TFEC: variants seen among roughly 807,000 people sequenced by gnomAD.
The protein encoded by TFEC is transcription factor EC, also known as class E basic helix-loop-helix protein 34.
TFEC carries 31 observed loss-of-function variants against 41.6 expected under a neutral mutation model. The ratio of observed to expected loss-of-function variants is 0.74; its 90% confidence interval spans 0.56 to 1.01. The LOEUF (loss-of-function observed/expected upper bound fraction) is 1.01, where lower values mean the gene tolerates loss of function less well. Ranked by LOEUF, TFEC falls within the 50% of genes least tolerant of loss-of-function variation. The pLI is 0.00. For missense variants in TFEC, 402 were observed against 404.1 expected (o/e 0.99, Z 0.04); for synonymous variants, 143 against 140.6 (o/e 1.02, Z -0.12).
At position 116,136,806 on chromosome 7, in the gene TFEC, A is replaced by G. The variant is rs559135983; in HGVS notation, c.-69+22984T>C. 1.5e-3 allele frequency among the ~76,000 whole-genome samples: 223 copies of G among 152,152 alleles called. 1 individual carries two copies. Among genetic ancestry groups the G allele is most frequent in the African/African-American group, 5.2e-3 (218 of 41,574 alleles). ...AGGTGTCATTTATGATGATATTATC[A>G]GTATTTAATTTTAGTGTCATTTAAG... On this transcript the variant is annotated intron_variant, in intron 1 of 8. Coordinates refer to the TFEC transcript ENST00000484212.
chr7:115,952,453 C>A (rs1791997925), intron 5 of TFEC, among the ~76,000 whole-genome samples: 1 of 151,896 alleles, frequency 6.6e-6, no homozygotes, highest in South Asian at 2.1e-4. Flanking sequence ...CTCTTATAAG[C>A]CAGACTTTTA....
chr7:116,008,625 T>A (rs1364041348), intron 1 of TFEC, among the ~76,000 whole-genome samples: 2 of 152,182 alleles, frequency 1.3e-5, no homozygotes, highest in Non-Finnish European at 1.5e-5. Context: ...AAAAGCCACA[T>A]GACATTTGTT....
At chr7:116,154,880 G>T (rs1355282816) in intron 1 of TFEC, among the ~76,000 whole-genome samples, 1 of 152,142 alleles carries the variant, frequency 6.6e-6, no homozygotes, top group Non-Finnish European at 1.5e-5. Flanking sequence ...TTTGTTTTGT[G>T]GTGGTATCTC....
chr7:115,992,026 C>G (rs990987502), intron 1 of TFEC, among the ~76,000 whole-genome samples: 1 of 152,198 alleles, frequency 6.6e-6, no homozygotes, highest in African/African-American at 2.4e-5. Flanking sequence ...ACAGTGCAAT[C>G]AAACTAGAAC....
At chr7:116,004,205 G>A (rs1287661099) in intron 1 of TFEC, among the ~76,000 whole-genome samples, 1 of 151,898 alleles carries the variant, frequency 6.6e-6, no homozygotes, top group Non-Finnish European at 1.5e-5. Flanking sequence ...TTTTTGAAAA[G>A]ATCAATAAAA....
Position 115,935,917 on chromosome 7 carries a change from C to T in TFEC, c.*4634G>A, listed in dbSNP as rs1793207627. On this transcript the variant is annotated 3_prime_UTR_variant, in exon 8 of 8. Transcript: ENST00000265440. ...TCCCTTTACAAGCAGATAAAAAGTT[C>T]CCTTTTATGTATAAAGCAGTAGACA... 6.6e-6 allele frequency: 1 copy of T among 151,352 alleles called. No individual in the cohort carries two copies. The highest frequency in any genetic ancestry group is 1.5e-5 in the Non-Finnish European group (1 of 67,526). 9.4% of individuals were successfully genotyped at this position (151,352 alleles called of 1,614,324 possible). A position where few individuals can be genotyped will look rare whatever the true frequency, so the allele number is the denominator to read the frequency against.
chr7:116,057,799 T>C (rs918782004), intron 3 of TFEC, among the ~76,000 whole-genome samples: 1 of 151,836 alleles, frequency 6.6e-6, no homozygotes, highest in Non-Finnish European at 1.5e-5. Flanking sequence ...ATACTATATG[T>C]AAAGAGGTAT....
chr7:116,043,788 C>T (rs1262124724), intron 3 of TFEC, among the ~76,000 whole-genome samples: 5 of 152,134 alleles, frequency 3.3e-5, no homozygotes, highest in South Asian at 2.1e-4. Context: ...GATTAACATA[C>T]ACTGAGAAAT....
chr7:116,095,714 G>A (rs1797436596), intron 3 of TFEC, among the ~76,000 whole-genome samples: 2 of 152,098 alleles, frequency 1.3e-5, no homozygotes, highest in African/African-American at 4.8e-5. Context: ...GATCACCTCA[G>A]TTCAATGACC....
intron 1 of TFEC, among the ~76,000 whole-genome samples, chr7:116,142,637 T>A (rs1798564476): frequency 6.6e-6 from 1 of 152,078 alleles, no homozygotes; most frequent in Non-Finnish European, 1.5e-5. Flanking sequence ...CTTAAGGTGC[T>A]TTTTCTCATG....
intron 1 of TFEC, among the ~76,000 whole-genome samples, chr7:116,025,370 G>T (rs117842624): frequency 3.9e-5 from 6 of 152,060 alleles, no homozygotes; most frequent in Non-Finnish European, 8.8e-5. Context: ...AAGGAAAAAG[G>T]AGAGAGGTCC....
At chr7:115,943,390 C>A (rs1793606796) in intron 6 of TFEC, among the ~76,000 whole-genome samples, 1 of 151,464 alleles carries the variant, frequency 6.6e-6, no homozygotes, top group Admixed American at 6.6e-5. Context: ...CATTTTTTCT[C>A]ATGGAAAGAA....
chr7:115,953,792 T>C (rs994257971), intron 5 of TFEC, among the ~76,000 whole-genome samples: 4 of 152,112 alleles, frequency 2.6e-5, no homozygotes, highest in Admixed American at 2.0e-4. Flanking sequence ...AGGTGCTTTA[T>C]GAACAGATGC....
intron 3 of TFEC, among the ~76,000 whole-genome samples, chr7:116,065,963 C>T (rs370278753): frequency 3.9e-5 from 6 of 151,914 alleles, no homozygotes; most frequent in South Asian, 2.1e-4. Context: ...GAATGCAACC[C>T]GATTGAGGTT....
At chr7:116,030,550 T>C (rs1394535783) in intron 1 of TFEC, 83 bp downstream of exon 1, 1 of 858,984 alleles carries the variant, frequency 1.2e-6, no homozygotes, top group African/African-American at 1.8e-5. Context: ...GCCACACATA[T>C]CAAAATAAAA....
chr7:116,135,731 T>C (rs1798420038), intron 1 of TFEC, among the ~76,000 whole-genome samples: 1 of 152,110 alleles, frequency 6.6e-6, no homozygotes, highest in Non-Finnish European at 1.5e-5. Context: ...AAGTGGCTAG[T>C]TAAAAATCTT....
At chr7:115,983,707 G>GT (rs1406294345) in intron 2 of TFEC, among the ~76,000 whole-genome samples, 1 of 151,952 alleles carries the variant, frequency 6.6e-6, no homozygotes, top group Non-Finnish European at 1.5e-5. Flanking sequence ...CATTTATTTT[G>GT]TATGATCAGC....
intron 5 of TFEC, among the ~76,000 whole-genome samples, chr7:115,952,669 G>A (rs1049125203): frequency 6.6e-6 from 1 of 151,956 alleles, no homozygotes; most frequent in Non-Finnish European, 1.5e-5. Context: ...GGCTCCCAAT[G>A]GTGTTCATAC....
intron 3 of TFEC, among the ~76,000 whole-genome samples, chr7:116,053,415 C>CTGCG (rs1796359446): frequency 6.6e-6 from 1 of 152,170 alleles, no homozygotes; most frequent in African/African-American, 2.4e-5. Flanking sequence ...AATAATGCTG[C>CTGCG]TGCTGCTGCT....
Sources: gnomAD v4.1 joint callset for allele counts (sites outside exome capture counted in the v4.1 genomes callset) on GRCh38, gnomAD v4.1.1 for gene constraint, MANE v1.5 for transcripts, NCBI Gene and HGNC (gene_info 2026-07-23, HGNC 2026-07-21) for gene names.